The following LAMA2 variants were observed in gnomAD, a reference collection of about 807,000 sequenced individuals.
The protein encoded by LAMA2 is laminin subunit alpha-2.
In LAMA2, 269 loss-of-function variants were observed where a neutral mutation model predicts 364.8. The ratio of observed to expected loss-of-function variants is 0.74; its 90% CI spans 0.67 to 0.82. The LOEUF (loss-of-function observed/expected upper bound fraction) is 0.82. LAMA2 is among the 40% of genes least tolerant of loss of function. LAMA2 has a pLI of 0.00. For missense variants in LAMA2, 3,807 were observed against 3,873.2 expected, an observed-to-expected ratio of 0.98 and a Z score of 0.45; for synonymous variants, 1,379 against 1,370.6, an observed-to-expected ratio of 1.01 and a Z score of -0.14.
chr6:129,006,987 C>T (rs1562912903), intron 1 of LAMA2, among the ~76,000 whole-genome samples: 2 of 152,148 alleles, frequency 1.3e-5, no homozygotes, highest in South Asian at 4.1e-4. Flanking sequence ...CTCTCCCTGA[C>T]ATCCTGATTC....
intron 22 of LAMA2, among the ~76,000 whole-genome samples, chr6:129,306,362 G>A (rs75876734): frequency 0.015 from 825 of 56,442 alleles, 10 homozygotes; most frequent in Middle Eastern, 0.071. Context: ...TTTTTTTTCC[G>A]AAGATGTTTT....
chr6:128,886,982 A>G (rs1562799553), intron 1 of LAMA2, among the ~76,000 whole-genome samples: 1 of 152,210 alleles, frequency 6.6e-6, no homozygotes, highest in Non-Finnish European at 1.5e-5. Context: ...ATTATAGTCT[A>G]TTGCTTTTAG....
At chr6:129,244,581 G>C (rs1785618636) in intron 12 of LAMA2, among the ~76,000 whole-genome samples, 1 of 152,052 alleles carries the variant, frequency 6.6e-6, no homozygotes, top group South Asian at 2.1e-4. Flanking sequence ...ACTCCATTTA[G>C]TGAAATAACA....
intron 51 of LAMA2, among the ~76,000 whole-genome samples, chr6:129,471,822 T>C (rs1351566589): frequency 1.3e-5 from 2 of 151,990 alleles, no homozygotes; most frequent in Non-Finnish European, 2.9e-5. Flanking sequence ...TGTTTGTTTT[T>C]ACAAAAGTCT....
chr6:128,923,437 T>C (rs1028306162), intron 1 of LAMA2, among the ~76,000 whole-genome samples: 3 of 147,454 alleles, frequency 2.0e-5, no homozygotes, highest in African/African-American at 4.9e-5. Flanking sequence ...CCCTTGTAAG[T>C]TGGATTCCTA....
intron 3 of LAMA2, among the ~76,000 whole-genome samples, chr6:129,066,335 G>A (rs533561825): frequency 2.2e-4 from 34 of 151,906 alleles, no homozygotes; most frequent in Middle Eastern, 3.4e-3. Flanking sequence ...GTGAGCCACC[G>A]CGCCCGGCCT....
chr6:129,201,922 G>T (rs527367607), intron 12 of LAMA2, among the ~76,000 whole-genome samples: 2 of 152,118 alleles, frequency 1.3e-5, no homozygotes, highest in African/African-American at 2.4e-5. Flanking sequence ...AGGCGCGGTG[G>T]CTCATGCCTG....
chr6:129,337,564 T>C (rs897854098), intron 29 of LAMA2, among the ~76,000 whole-genome samples: 1 of 152,128 alleles, frequency 6.6e-6, no homozygotes, highest in Admixed American at 6.6e-5. Flanking sequence ...AGCTGTCTTA[T>C]AAGAATTCAT....
chr6:129,188,071 G>C (rs1781330500), intron 10 of LAMA2, among the ~76,000 whole-genome samples: 1 of 151,726 alleles, frequency 6.6e-6, no homozygotes. Context: ...AAAAATTAGT[G>C]CTTCCTCTAT....
chr6:129,046,157 T>G (rs1350551260), intron 1 of LAMA2, among the ~76,000 whole-genome samples: 2 of 152,202 alleles, frequency 1.3e-5, no homozygotes, highest in African/African-American at 4.8e-5. Flanking sequence ...TATTTTTCTA[T>G]ACTGTAAATT....
intron 51 of LAMA2, among the ~76,000 whole-genome samples, chr6:129,470,143 G>T (rs899127316): frequency 6.6e-6 from 1 of 151,838 alleles, no homozygotes; most frequent in South Asian, 2.1e-4. Context: ...GTATTTAGGA[G>T]AAGAAATTAG....
intron 12 of LAMA2, among the ~76,000 whole-genome samples, chr6:129,244,732 A>G (rs1168394684): frequency 6.6e-6 from 1 of 152,060 alleles, no homozygotes; most frequent in East Asian, 1.9e-4. Context: ...AGAGGGAAAA[A>G]AAAAGAGGCC....
At chr6:129,013,174 G>A (rs985825518) in intron 1 of LAMA2, among the ~76,000 whole-genome samples, 3 of 152,180 alleles carry the variant, frequency 2.0e-5, no homozygotes. Flanking sequence ...GGTGGCTCAC[G>A]CCTGTAATCC....
chr6:129,502,430 G>A (rs1562627668), intron 58 of LAMA2, among the ~76,000 whole-genome samples: 1 of 152,194 alleles, frequency 6.6e-6, no homozygotes, highest in Non-Finnish European at 1.5e-5. Flanking sequence ...CAATAAATAT[G>A]TCTGAGCACA....
chr6:129,118,882 G>T (rs1189918647), intron 4 of LAMA2, among the ~76,000 whole-genome samples: 3 of 152,212 alleles, frequency 2.0e-5, no homozygotes, highest in Non-Finnish European at 4.4e-5. Flanking sequence ...TCCATGATGT[G>T]TAAGAGTGAG....
intron 40 of LAMA2, among the ~76,000 whole-genome samples, chr6:129,419,404 A>T (rs1430673344): frequency 1.3e-5 from 2 of 152,098 alleles, no homozygotes; most frequent in Non-Finnish European, 2.9e-5. Flanking sequence ...GAAGCCCTCT[A>T]AGAATGGTAT....
At chr6:129,403,983 C>G in intron 40 of LAMA2, 24 bp downstream of exon 40, 14 of 1,613,070 alleles carry the variant, frequency 8.7e-6, no homozygotes, top group Non-Finnish European at 1.2e-5. Flanking sequence ...GGCACATGTG[C>G]TGGGAATGGA....
intron 1 of LAMA2, among the ~76,000 whole-genome samples, chr6:128,956,258 C>G (rs1255327329): frequency 6.6e-6 from 1 of 151,922 alleles, no homozygotes; most frequent in Non-Finnish European, 1.5e-5. Context: ...TTTAAAATCT[C>G]CAACCTGACT....
At chr6:129,118,072 C>T (rs1489598530) in intron 4 of LAMA2, among the ~76,000 whole-genome samples, 1 of 152,164 alleles carries the variant, frequency 6.6e-6, no homozygotes, top group Non-Finnish European at 1.5e-5. Context: ...CATGAAAGAA[C>T]ATCAGTGTGA....
Sources: allele counts gnomAD v4.1 joint callset (sites outside exome capture counted in the v4.1 genomes callset), GRCh38; gene constraint gnomAD v4.1.1; transcripts MANE v1.5; gene names NCBI Gene and HGNC (gene_info 2026-07-23, HGNC 2026-07-21).